The following DIAPH3 variants were observed in gnomAD, a reference collection of about 807,000 sequenced individuals.
The protein encoded by DIAPH3 is protein diaphanous homolog 3.
Under a neutral mutation model 144.3 loss-of-function variants are expected in DIAPH3, and 117 were observed. The ratio of observed to expected loss-of-function variants is 0.81; its 90% CI spans 0.70 to 0.95. The LOEUF (loss-of-function observed/expected upper bound fraction) is 0.95, where lower values mean the gene tolerates loss of function less well. Among genes scored for constraint, DIAPH3 ranks in the 40% least tolerant of loss-of-function variants. The probability of loss-of-function intolerance (pLI) is 0.00; values close to 1 mark genes in which losing one functional copy is unlikely to be tolerated. For synonymous variants in DIAPH3, 519 were observed against 488.9 expected (o/e 1.06, Z -0.81); for missense variants, 1,421 against 1,412.7 (o/e 1.01, Z -0.09).
chr13:59,857,451 A>G (rs1050304854), intron 22 of DIAPH3, among the ~76,000 whole-genome samples: 1 of 152,196 alleles, frequency 6.6e-6, no homozygotes, highest in Non-Finnish European at 1.5e-5. Context: ...CAGAAAGCAT[A>G]GTATTAAATG....
Position 59,991,193 on chromosome 13 carries a change from C to T in DIAPH3, c.1326G>A (p.Gln442=). ...AATCATTTCGAATCAGCAAAAGATG[C>T]TGAAGAATAGAAATAAAATATCCCT... ...RAEGYFISIL[Q]HLLLIRNDYF... The change falls in exon 12 of 28, where the codon CAG becomes CAA. Residue 442 remains glutamine, a synonymous_variant. Transcript: ENST00000400324. 1 of 1,610,342 alleles carries T rather than the reference C, an allele frequency of 6.2e-7. No individual in the cohort carries two copies. Among genetic ancestry groups the T allele is most frequent in the African/African-American group, 1.3e-5 (1 of 74,864 alleles).
At chr13:59,869,831 A>T (rs1022680494) in intron 21 of DIAPH3, among the ~76,000 whole-genome samples, 1 of 152,100 alleles carries the variant, frequency 6.6e-6, no homozygotes, top group African/African-American at 2.4e-5. Flanking sequence ...TCATTTCTTT[A>T]AACTGGGTTG....
intron 12 of DIAPH3, among the ~76,000 whole-genome samples, chr13:59,987,376 G>A (rs1218614126): frequency 1.3e-5 from 2 of 150,226 alleles, no homozygotes; most frequent in Non-Finnish European, 3.0e-5. Flanking sequence ...CCTAAGGCTA[G>A]ATGACGAGTT....
At chr13:60,041,822 T>C (rs10507645) in intron 5 of DIAPH3, among the ~76,000 whole-genome samples, 13,366 of 152,136 alleles carry the variant, frequency 0.088, 641 homozygotes, top group East Asian at 0.14. Context: ...TTTAGGTATT[T>C]CATAACAACT....
At chr13:59,784,515 A>C (rs773203973) in intron 25 of DIAPH3, among the ~76,000 whole-genome samples, 1 of 152,160 alleles carries the variant, frequency 6.6e-6, no homozygotes, top group Non-Finnish European at 1.5e-5. Context: ...AGCTGGGATT[A>C]TAGGCATGTG....
intron 27 of DIAPH3, among the ~76,000 whole-genome samples, chr13:59,736,576 C>T (rs1234568670): frequency 6.6e-6 from 1 of 152,108 alleles, no homozygotes; most frequent in Non-Finnish European, 1.5e-5. Flanking sequence ...ATTAAAATGG[C>T]CATATTACCC....
intron 2 of DIAPH3, 102 bp downstream of exon 2, chr13:60,132,855 T>C: frequency 2.1e-6 from 2 of 942,106 alleles, no homozygotes; most frequent in South Asian, 1.4e-5. Context: ...GTTTCCAATA[T>C]ATGTGACTTT....
chr13:59,991,362 G>A (rs2140815988), intron 11 of DIAPH3, 88 bp from the exon 12 acceptor site: 2 of 932,784 alleles, frequency 2.1e-6, no homozygotes, highest in Non-Finnish European at 1.7e-6. Context: ...GTAAGGTTTT[G>A]GAACTGTAAT....
chr13:59,947,544 G>A (rs892945679), intron 17 of DIAPH3, among the ~76,000 whole-genome samples: 18 of 152,056 alleles, frequency 1.2e-4, no homozygotes, highest in African/African-American at 4.1e-4. Context: ...GGGAGAGGAG[G>A]AGGAAGAGAA....
At chr13:59,775,557 G>T (rs1458592471) in intron 25 of DIAPH3, among the ~76,000 whole-genome samples, 5 of 152,106 alleles carry the variant, frequency 3.3e-5, no homozygotes, top group Admixed American at 1.3e-4. Context: ...GAGTGTTTTT[G>T]TTGTTACTGA....
intron 17 of DIAPH3, among the ~76,000 whole-genome samples, chr13:59,964,247 T>C (rs898268926): frequency 6.6e-6 from 1 of 152,056 alleles, no homozygotes; most frequent in African/African-American, 2.4e-5. Context: ...AAAGCAACAG[T>C]ATCCTCCAAT....
rs56267083 is a variant in DIAPH3, at chr13:60,125,394, A to ATTTTTTTTTTTTTTTTTTTTTTT, written c.213+7540_213+7562dup. On this transcript the variant is annotated intron_variant, in intron 2 of 27. Coordinates refer to ENST00000400324, the MANE Select transcript of DIAPH3 (RefSeq NM_001042517.2). ...ATCTGCATACCATCACACCCAGCTA[A>ATTTTTTTTTTTTTTTTTTTTTTT]TTTTTTTTTTTTTTTTTTTTTTTTT... is the stretch of plus-strand genomic sequence containing the variant. 1.6e-4 allele frequency among the ~76,000 whole-genome samples: 16 copies of ATTTTTTTTTTTTTTTTTTTTTTT among 97,866 alleles called. 1 individual carries two copies. Among genetic ancestry groups the ATTTTTTTTTTTTTTTTTTTTTTT allele is most frequent in the South Asian group, 3.5e-4 (1 of 2,876 alleles). The allele number at this position is 97,866 out of a possible 152,430, so 64.2% of individuals were successfully genotyped here. A position where few individuals can be genotyped will look rare whatever the true frequency, so the allele number is the denominator to read the frequency against.
At chr13:59,752,458 C>T (rs1034790092) in intron 27 of DIAPH3, among the ~76,000 whole-genome samples, 2 of 151,584 alleles carry the variant, frequency 1.3e-5, no homozygotes, top group Non-Finnish European at 2.9e-5. Flanking sequence ...ATCTCGACCT[C>T]CTAGGCTCAA....
At chr13:59,767,486 A>G (rs1318544899) in intron 27 of DIAPH3, among the ~76,000 whole-genome samples, 18 of 151,470 alleles carry the variant, frequency 1.2e-4, no homozygotes, top group Non-Finnish European at 2.4e-4. Flanking sequence ...TCCTTTTACC[A>G]GTTTTTTTTT....
chr13:59,924,265 A>G (rs1253387599), intron 18 of DIAPH3, among the ~76,000 whole-genome samples: 1 of 152,162 alleles, frequency 6.6e-6, no homozygotes, highest in Non-Finnish European at 1.5e-5. Flanking sequence ...AATTAAATCT[A>G]AAATATTTCT....
intron 9 of DIAPH3, among the ~76,000 whole-genome samples, chr13:60,006,630 G>A (rs1358045161): frequency 2.0e-5 from 3 of 152,036 alleles, no homozygotes; most frequent in African/African-American, 7.2e-5. Context: ...AAAGGAAAAA[G>A]AAAAGCAATA....
At chr13:59,953,932 A>T (rs916784744) in intron 17 of DIAPH3, among the ~76,000 whole-genome samples, 14 of 152,230 alleles carry the variant, frequency 9.2e-5, no homozygotes, top group Non-Finnish European at 1.3e-4. Flanking sequence ...GAAAGTATGT[A>T]ATAAATGAAA....
At chr13:59,922,792 TG>T (rs1334696160) in intron 18 of DIAPH3, among the ~76,000 whole-genome samples, 1 of 152,076 alleles carries the variant, frequency 6.6e-6, no homozygotes, top group East Asian at 1.9e-4. Context: ...CTCAATTAAA[TG>T]AATAGGATAT....
At position 60,058,481 on chromosome 13, in the gene DIAPH3, A is replaced by G. The variant is rs2056639993; in HGVS notation, c.496-15661T>C. Among the ~76,000 whole-genome samples, 3 of 152,018 alleles carry G rather than the reference A, an allele frequency of 2.0e-5. No individual in the cohort carries two copies. In the South Asian group the frequency reaches 6.2e-4, roughly 31 times the overall value. ...ACAACCTTCATGGAAAACAGTAGGG[A>G]GATTTCTCAAAGAACTAAAAGCAGA... On this transcript the variant is annotated intron_variant, in intron 4 of 27. Coordinates refer to ENST00000400324, the MANE Select transcript of DIAPH3 (RefSeq NM_001042517.2).
Sources: allele counts gnomAD v4.1 joint callset (sites outside exome capture counted in the v4.1 genomes callset), GRCh38; gene constraint gnomAD v4.1.1; transcripts MANE v1.5; gene names NCBI Gene and HGNC (gene_info 2026-07-23, HGNC 2026-07-21).